The following PCED1B variants were observed in gnomAD, a reference collection of about 807,000 sequenced individuals.
PCED1B encodes the protein PC-esterase domain containing 1B, also known as PC-esterase domain-containing protein 1B.
For synonymous variants in PCED1B, 251 were observed against 246.1 expected (o/e 1.02, Z -0.19); for missense variants, 573 against 573.9 (o/e 1.00, Z 0.02).
chr12:47,199,279 G>A (rs2137698370), intron 2 of PCED1B, among the ~76,000 whole-genome samples: 2 of 152,250 alleles, frequency 1.3e-5, no homozygotes, highest in Admixed American at 1.3e-4. Flanking sequence ...CATGCTCATG[G>A]ATAGGAAGAC....
At chr12:47,167,691 C>T (rs1941591057) in intron 2 of PCED1B, among the ~76,000 whole-genome samples, 1 of 152,078 alleles carries the variant, frequency 6.6e-6, no homozygotes, top group African/African-American at 2.4e-5. Context: ...TGGAATCGAT[C>T]GAATTACTTA....
chr12:47,227,619 C>T (rs929735353), intron 3 of PCED1B, among the ~76,000 whole-genome samples: 4 of 151,790 alleles, frequency 2.6e-5, no homozygotes, highest in Non-Finnish European at 4.4e-5. Context: ...TTTGGGAGGG[C>T]GAGGTGAGTG....
At chr12:47,165,139 T>C (rs147470135) in intron 2 of PCED1B, among the ~76,000 whole-genome samples, 312 of 152,342 alleles carry the variant, frequency 2.0e-3, no homozygotes, top group African/African-American at 7.2e-3. Context: ...TTTGCTCAAT[T>C]TTCTACTGTC....
intron 2 of PCED1B, among the ~76,000 whole-genome samples, chr12:47,158,611 C>T (rs1449177917): frequency 6.6e-6 from 1 of 152,018 alleles, no homozygotes; most frequent in Non-Finnish European, 1.5e-5. Flanking sequence ...TTGTATTTTA[C>T]TCTGTTGATA....
intron 2 of PCED1B, among the ~76,000 whole-genome samples, chr12:47,159,320 C>T (rs1941295624): frequency 6.6e-6 from 1 of 152,214 alleles, no homozygotes; most frequent in Middle Eastern, 3.4e-3. Flanking sequence ...GAGAAATCTC[C>T]CTACTGTTTT....
intron 2 of PCED1B, among the ~76,000 whole-genome samples, chr12:47,160,555 T>A (rs1205624557): frequency 6.6e-6 from 1 of 152,018 alleles, no homozygotes; most frequent in Admixed American, 6.6e-5. Flanking sequence ...ATCTTCAATG[T>A]TTCAACCTCC....
At chr12:47,151,848 T>C (rs1031597727) in intron 2 of PCED1B, among the ~76,000 whole-genome samples, 4 of 152,196 alleles carry the variant, frequency 2.6e-5, no homozygotes, top group Admixed American at 2.6e-4. Context: ...TCACTCAGTC[T>C]GGCCACTCAA....
intron 3 of PCED1B, among the ~76,000 whole-genome samples, chr12:47,222,443 A>G (rs868605107): frequency 4.4e-4 from 65 of 147,202 alleles, no homozygotes; most frequent in South Asian, 8.6e-4. Flanking sequence ...AAAAAAAAAA[A>G]AGAGAGAGAA....
chr12:47,144,670 C>G (rs1940720548), intron 2 of PCED1B, among the ~76,000 whole-genome samples: 1 of 152,152 alleles, frequency 6.6e-6, no homozygotes, highest in Non-Finnish European at 1.5e-5. Context: ...CCCAAGGGAA[C>G]ACAATGGTAA....
At chr12:47,136,212 C>A (rs1940368135) in intron 2 of PCED1B, among the ~76,000 whole-genome samples, 1 of 149,218 alleles carries the variant, frequency 6.7e-6, no homozygotes. Context: ...ATGATCTTAT[C>A]TTTTGCCCAT....
At chr12:47,172,648 G>A (rs1941789972) in intron 2 of PCED1B, among the ~76,000 whole-genome samples, 1 of 152,082 alleles carries the variant, frequency 6.6e-6, no homozygotes, top group South Asian at 2.1e-4. Context: ...TATGAACTTG[G>A]GCAAACTGCT....
At chr12:47,229,761 G>C (rs1187523562) in intron 3 of PCED1B, among the ~76,000 whole-genome samples, 1 of 151,850 alleles carries the variant, frequency 6.6e-6, no homozygotes, top group Non-Finnish European at 1.5e-5. Flanking sequence ...CAACCAACAA[G>C]TAATCATTTC....
intron 2 of PCED1B, among the ~76,000 whole-genome samples, chr12:47,191,680 C>T (rs1300358129): frequency 6.6e-6 from 1 of 152,154 alleles, no homozygotes; most frequent in African/African-American, 2.4e-5. Flanking sequence ...AAATAGATTG[C>T]CCTGGGAACC....
intron 2 of PCED1B, among the ~76,000 whole-genome samples, chr12:47,109,998 A>G (rs1939122071): frequency 6.6e-6 from 1 of 152,232 alleles, no homozygotes; most frequent in African/African-American, 2.4e-5. Flanking sequence ...TTTTTAAGTT[A>G]GTAAAATGGA....
intron 2 of PCED1B, among the ~76,000 whole-genome samples, chr12:47,128,412 C>A (rs1939986399): frequency 2.6e-5 from 4 of 152,166 alleles, no homozygotes; most frequent in Admixed American, 2.6e-4. Context: ...CCGCCTTACT[C>A]TTCCCTTAGA....
intron 2 of PCED1B, among the ~76,000 whole-genome samples, chr12:47,122,639 A>G (rs1939727161): frequency 6.6e-6 from 1 of 152,172 alleles, no homozygotes; most frequent in South Asian, 2.1e-4. Flanking sequence ...TAAAAAATAA[A>G]CATTTTCCTA....
rs556958649 is a variant in PCED1B at position 47,127,387 on chromosome 12, GAGA to G, written c.-526+23198_-526+23200del. Reference sequence around the variant, plus strand: ...TTTATTTCTTTTTTTTTTTTTTTTTGAGAAGAAGTCTCGCTTTGTAGCCCAGGC... The same window carrying G: ...TTTATTTCTTTTTTTTTTTTTTTTTGAGAAGTCTCGCTTTGTAGCCCAGGC... On this transcript the variant is annotated intron_variant, in intron 2 of 3. Coordinates refer to ENST00000546455, the MANE Select transcript of PCED1B (RefSeq NM_138371.3). Among the ~76,000 whole-genome samples the G allele has an allele frequency of 4.7e-3, 301 of 63,856 alleles. 1 individual carries two copies. In the Middle Eastern group the frequency reaches 0.05, roughly 11 times the overall value. 41.9% of individuals were successfully genotyped at this position (63,856 alleles called of 152,430 possible).
chr12:47,166,306 C>A (rs1028093997), intron 2 of PCED1B, among the ~76,000 whole-genome samples: 1 of 152,200 alleles, frequency 6.6e-6, no homozygotes, highest in Admixed American at 6.5e-5. Flanking sequence ...CGGGCAGTTT[C>A]TCTCTCTTCA....
intron 2 of PCED1B, among the ~76,000 whole-genome samples, chr12:47,194,519 T>C (rs1436448959): frequency 6.6e-6 from 1 of 152,210 alleles, no homozygotes; most frequent in African/African-American, 2.4e-5. Flanking sequence ...GAACCACAAA[T>C]GTCCCTTTGA....
Sources: gnomAD v4.1 joint callset for allele counts (sites outside exome capture counted in the v4.1 genomes callset) on GRCh38, gnomAD v4.1.1 for gene constraint, MANE v1.5 for transcripts, NCBI Gene and HGNC (gene_info 2026-07-23, HGNC 2026-07-21) for gene names.